The following ANAPC11 variants were observed in gnomAD, a reference collection of about 807,000 sequenced individuals.
ANAPC11 encodes the protein anaphase promoting complex subunit 11, also known as anaphase-promoting complex subunit 11.
Under a neutral mutation model 11.8 loss-of-function variants are expected in ANAPC11, and 5 were observed. The observed-to-expected ratio is 0.42, with a 90% CI of 0.22 to 0.89. ANAPC11 has a LOEUF of 0.89. Among genes scored for constraint, ANAPC11 ranks in the 40% least tolerant of loss-of-function variants. The pLI, the probability that ANAPC11 is intolerant of heterozygous loss-of-function variation, is 0.28. For missense variants in ANAPC11, 68 were observed against 112.9 expected (o/e 0.60, Z 1.80); for synonymous variants, 45 against 41.0 (o/e 1.10, Z -0.38).
chr17:81,894,297 T>A (rs2039655811), intron 2 of ANAPC11, 170 bp from the exon 3 acceptor site: 2 of 403,070 alleles, frequency 5.0e-6, no homozygotes, highest in African/African-American at 4.1e-5. Flanking sequence ...GAAACAGGGC[T>A]CACGATGTTT....
In ANAPC11 at chr17:81,899,729, G is replaced by A. The variant is rs574140593; in HGVS notation, c.110-191G>A. On this transcript the variant is annotated intron_variant, in intron 3 of 3. Coordinates refer to ENST00000344877, the MANE Select transcript of ANAPC11 (RefSeq NM_001002248.3). ...GTCCGGTGTCCCTTGGTCATTGCTGGTCTTCGCCTGGGGGCGGGCTGGTCA... is the reference window on the plus strand; with the variant it reads ...GTCCGGTGTCCCTTGGTCATTGCTGATCTTCGCCTGGGGGCGGGCTGGTCA... 3.1e-6 allele frequency: 3 copies of A among 958,826 alleles called. No homozygotes were observed. In the East Asian group the frequency reaches 7.9e-5, roughly 25 times the overall value. The allele number at this position is 958,826 out of a possible 1,614,324, so 59.4% of individuals were successfully genotyped here. A position where few individuals can be genotyped will look rare whatever the true frequency, so the allele number is the denominator to read the frequency against.
chr17:81,894,484 G>A lies in ANAPC11; in HGVS notation c.7G>A (p.Val3Met). 1.2e-6 allele frequency: 2 copies of A among 1,610,846 alleles called. No homozygotes were observed. Among genetic ancestry groups the A allele is most frequent in the Non-Finnish European group, 1.7e-6 (2 of 1,177,742 alleles). MK[V>M]KIKCWNGVAT... Reference sequence around the variant, plus strand: ...CGCCGCAGGCTCTGCTGCCATGAAGGTGAAGATTAAGTGCTGGAACGGCGT... The same window carrying A: ...CGCCGCAGGCTCTGCTGCCATGAAGATGAAGATTAAGTGCTGGAACGGCGT... Residue 3 changes from valine to methionine, a missense_variant, in exon 3 of 4, where the codon GTG becomes ATG. Coordinates refer to ENST00000344877, the MANE Select transcript of ANAPC11 (RefSeq NM_001002248.3).
At chr17:81,894,623 C>T in intron 3 of ANAPC11, 37 bp downstream of exon 3, 1 of 1,444,680 alleles carries the variant, frequency 6.9e-7, no homozygotes, top group South Asian at 1.2e-5. Context: ...GCGGCCCCGA[C>T]TGTGAGTGTC....
chr17:81,897,190 G>A (rs1237832051), intron 3 of ANAPC11, among the ~76,000 whole-genome samples: 1 of 151,996 alleles, frequency 6.6e-6, no homozygotes, highest in Non-Finnish European at 1.5e-5. Flanking sequence ...TAACAGAAAT[G>A]GGGTTTCACC....
At chr17:81,899,608 C>T (rs2039870724) in intron 3 of ANAPC11, 13 of 1,527,754 alleles carry the variant, frequency 8.5e-6, no homozygotes, top group Non-Finnish European at 1.2e-5. Flanking sequence ...GGCCAGAGCG[C>T]CACCTCCTCA....
At chr17:81,892,542 T>TTTTTTTTTTTTTTTTTTGAGACG (rs1891192296) in intron 1 of ANAPC11, among the ~76,000 whole-genome samples, 1 of 138,696 alleles carries the variant, frequency 7.2e-6, no homozygotes, top group African/African-American at 2.7e-5. Context: ...TTTTTTTTTT[T>TTTTTTTTTTTTTTTTTTGAGACG]GAGGCAGTCT....
chr17:81,894,464 C>G lies in ANAPC11; in HGVS notation c.-11-3C>G. ...GCCAGTCGTCCTGTTCCCTCCGCCG[C>G]AGGCTCTGCTGCCATGAAGGTGAAG... On this transcript the variant is annotated splice_region_variant and splice_polypyrimidine_tract_variant and intron_variant, in intron 2 of 3. Transcript: ENST00000344877. 1 of 1,595,648 alleles carries G rather than the reference C, an allele frequency of 6.3e-7. No individual in the cohort carries two copies. The highest frequency in any genetic ancestry group is 2.2e-5 in the East Asian group (1 of 44,514).
Position 81,891,757 on chromosome 17 carries a change from T to C in ANAPC11, c.-159T>C, listed in dbSNP as rs1028463652. The C allele has an allele frequency of 7.6e-4, 322 of 422,444 alleles. 1 individual carries two copies. Among genetic ancestry groups the C allele is most frequent in the Non-Finnish European group, 1.1e-3 (302 of 273,928 alleles). 26.2% of individuals were successfully genotyped at this position (422,444 alleles called of 1,614,324 possible). On this transcript the variant is annotated 5_prime_UTR_variant, in exon 1 of 4. Coordinates refer to ENST00000344877, the MANE Select transcript of ANAPC11 (RefSeq NM_001002248.3). ...GGCGTGCGAGACTCGGCGGGCGCTG[T>C]TGAGGGAGTCGGGCCGCGACTGTGG...
intron 1 of ANAPC11, among the ~76,000 whole-genome samples, chr17:81,892,775 G>C (rs2039590301): frequency 1.3e-5 from 2 of 151,944 alleles, no homozygotes; most frequent in African/African-American, 2.4e-5. Context: ...CGCCCGCCTT[G>C]GCCTCCCAAA....
At position 81,891,744 on chromosome 17, in the gene ANAPC11, T is replaced by C. The variant is rs1320755018; in HGVS notation, c.-172T>C. 4.0e-6 allele frequency: 2 copies of C among 504,250 alleles called. No homozygotes were observed. The highest frequency in any genetic ancestry group is 5.8e-6 in the Non-Finnish European group (2 of 346,548). The allele number at this position is 504,250 out of a possible 1,614,324, so 31.2% of individuals were successfully genotyped here. A position where few individuals can be genotyped will look rare whatever the true frequency, so the allele number is the denominator to read the frequency against. ...GCGCGTGCGCACTGGCGTGCGAGAC[T>C]CGGCGGGCGCTGTTGAGGGAGTCGG... On this transcript the variant is annotated 5_prime_UTR_variant, in exon 1 of 4. Coordinates refer to ENST00000344877, the MANE Select transcript of ANAPC11 (RefSeq NM_001002248.3).
At chr17:81,898,003 A>G (rs772149541) in intron 3 of ANAPC11, 1 of 152,226 alleles carries the variant, frequency 6.6e-6, no homozygotes, top group Admixed American at 6.5e-5. Flanking sequence ...ATCCTCATTT[A>G]ATCAAACGGG....
chr17:81,899,249 C>G (rs1217609094), intron 3 of ANAPC11: 1 of 1,611,408 alleles, frequency 6.2e-7, no homozygotes, highest in Admixed American at 1.7e-5. Flanking sequence ...CAGGTCCTCT[C>G]CATGGAGAAA....
At chr17:81,891,072 G>A (rs1269747687), upstream of ANAPC11, 7 of 669,274 alleles carry the variant, frequency 1.0e-5, no homozygotes, top group Non-Finnish European at 1.7e-5. Flanking sequence ...CTCCTCTCCT[G>A]CCACGAGGCC....
chr17:81,893,988 G>A (rs552328167), intron 2 of ANAPC11, among the ~76,000 whole-genome samples: 1 of 151,702 alleles, frequency 6.6e-6, no homozygotes, highest in Non-Finnish European at 1.5e-5. Flanking sequence ...TAATAGAAAC[G>A]GGGCTCATAG....
chr17:81,899,200 T>A, intron 3 of ANAPC11: 1 of 1,585,380 alleles, frequency 6.3e-7, no homozygotes, highest in East Asian at 2.2e-5. Context: ...GACACTCATT[T>A]CTCTTGATCA....
At position 81,900,128 on chromosome 17, in the gene ANAPC11, G is replaced by A; in HGVS notation, c.*63G>A. 1 of 1,602,058 alleles carries A rather than the reference G, an allele frequency of 6.2e-7. No homozygotes were observed. The highest frequency in any genetic ancestry group is 8.5e-7 in the Non-Finnish European group (1 of 1,174,868). On this transcript the variant is annotated 3_prime_UTR_variant, in exon 4 of 4. Coordinates refer to ENST00000344877, the MANE Select transcript of ANAPC11 (RefSeq NM_001002248.3). The stretch of plus-strand genomic sequence containing the variant: ...CTCCTTCCTCATGCTGGCGCCGATG[G>A]CTGCTGGGGACAGCGCCCCTGAGCT...
upstream of ANAPC11, chr17:81,891,697 CG>C (rs1465609907): frequency 2.0e-6 from 2 of 1,008,686 alleles, no homozygotes; most frequent in African/African-American, 1.8e-5. Flanking sequence ...GCTGCGCGCG[CG>C]GGACGGGGTG....
chr17:81,898,965 C>T (rs1472561960), intron 3 of ANAPC11: 2 of 529,578 alleles, frequency 3.8e-6, no homozygotes, highest in Admixed American at 3.3e-5. Flanking sequence ...TTGAAAGGGC[C>T]GATATCAAGC....
upstream of ANAPC11, chr17:81,891,722 C>T: frequency 1.4e-6 from 1 of 723,418 alleles, no homozygotes; most frequent in Non-Finnish European, 1.8e-6. Flanking sequence ...CGGGGAGGCG[C>T]GTGCGCACTG....
Sources: gnomAD v4.1 joint callset for allele counts (sites outside exome capture counted in the v4.1 genomes callset) on GRCh38, gnomAD v4.1.1 for gene constraint, MANE v1.5 for transcripts, NCBI Gene and HGNC (gene_info 2026-07-23, HGNC 2026-07-21) for gene names.